CD109: variants seen among roughly 807,000 people sequenced by gnomAD.
The protein encoded by CD109 is CD109 antigen.
In CD109, 149 loss-of-function variants were observed where a neutral mutation model predicts 165.8. The observed-to-expected ratio is 0.90, with a 90% CI of 0.79 to 1.03. The LOEUF (loss-of-function observed/expected upper bound fraction) is 1.03, where lower values mean the gene tolerates loss of function less well. CD109 is among the 50% of genes least tolerant of loss of function. The probability of loss-of-function intolerance (pLI) is 0.00; values close to 1 mark genes in which losing one functional copy is unlikely to be tolerated. For synonymous variants in CD109, 585 were observed against 592.1 expected, an observed-to-expected ratio of 0.99 and a Z score of 0.18; for missense variants, 1,712 against 1,677.8, an observed-to-expected ratio of 1.02 and a Z score of -0.36.
the CD109 span, among the ~76,000 whole-genome samples, chr6:73,679,212 G>T: frequency 6.6e-6 from 1 of 152,144 alleles, no homozygotes; most frequent in African/African-American, 2.4e-5. Context: ...TGAAAATGTG[G>T]CAAGTGTGTG....
At chr6:73,702,999 T>C (rs1771136573) in intron 2 of CD109, among the ~76,000 whole-genome samples, 1 of 152,226 alleles carries the variant, frequency 6.6e-6, no homozygotes, top group African/African-American at 2.4e-5. Context: ...AGTTTCCTCA[T>C]AGTGCCAAGG....
intron 29 of CD109, among the ~76,000 whole-genome samples, chr6:73,812,800 AATAAG>A (rs1775799152): frequency 1.3e-5 from 2 of 152,094 alleles, no homozygotes; most frequent in South Asian, 4.2e-4. Flanking sequence ...AAAAATACTG[AATAAG>A]ATAATCATCA....
At chr6:73,802,725 A>G (rs990923429) in intron 23 of CD109, among the ~76,000 whole-genome samples, 2 of 80,480 alleles carry the variant, frequency 2.5e-5, no homozygotes, top group Non-Finnish European at 5.1e-5. Context: ...ATGGAATTTT[A>G]TTTGCTCTTG....
intron 23 of CD109, 117 bp downstream of exon 23, chr6:73,792,919 T>C: frequency 1.4e-6 from 1 of 716,992 alleles, no homozygotes; most frequent in Admixed American, 2.9e-5. Context: ...AGTGATGGGC[T>C]ACACGGTGTT....
chr6:73,720,787 A>G (rs1052611453), intron 2 of CD109, among the ~76,000 whole-genome samples: 1 of 152,222 alleles, frequency 6.6e-6, no homozygotes, highest in Non-Finnish European at 1.5e-5. Flanking sequence ...GTCAACTGGG[A>G]TAATCCTGGT....
chr6:73,729,659 G>A lies in CD109; in HGVS notation c.277-685G>A, dbSNP rs191206156. Among the ~76,000 whole-genome samples, 342 of 151,982 alleles carry A rather than the reference G, an allele frequency of 2.3e-3. 1 individual carries two copies. Among genetic ancestry groups the A allele is most frequent in the African/African-American group, 7.3e-3 (304 of 41,476 alleles). ...TCCCGGAGTAGCTGGGACTACAGGC[G>A]CATGCCACCACACCTGGGTGATTTT... On this transcript the variant is annotated intron_variant, in intron 3 of 32. Coordinates refer to ENST00000287097, the MANE Select transcript of CD109 (RefSeq NM_133493.5).
chr6:73,804,577 C>G (rs754822765), intron 24 of CD109, among the ~76,000 whole-genome samples: 9 of 152,186 alleles, frequency 5.9e-5, no homozygotes, highest in Non-Finnish European at 8.8e-5. Context: ...CACACATAAA[C>G]AGGCCCTGGG....
the CD109 span, among the ~76,000 whole-genome samples, chr6:73,686,361 TA>T: frequency 9.2e-5 from 14 of 152,222 alleles, no homozygotes; most frequent in Non-Finnish European, 1.5e-4. Context: ...ATTTGTTTGA[TA>T]GTGTTTTGCA....
In CD109 at chr6:73,808,063, C is replaced by G. The variant is rs755480638; in HGVS notation, c.3190-20C>G. The G allele has an allele frequency of 6.2e-7, 1 of 1,608,096 alleles. No homozygotes were observed. The highest frequency in any genetic ancestry group is 8.5e-7 in the Non-Finnish European group (1 of 1,177,112). On this transcript the variant is annotated intron_variant, in intron 25 of 32. Coordinates refer to ENST00000287097, the MANE Select transcript of CD109 (RefSeq NM_133493.5). The stretch of plus-strand genomic sequence containing the variant: ...ATGGGTTACTCTGAATAGTAAAAAA[C>G]ATACTTTTTTTCTTCCAAGCCTAAC...
chr6:73,751,389 A>G (rs558903312), intron 5 of CD109, among the ~76,000 whole-genome samples: 5 of 152,180 alleles, frequency 3.3e-5, no homozygotes, highest in South Asian at 2.1e-4. Context: ...TCATAACTCC[A>G]TCTTTAGCTG....
chr6:73,780,981 TTTGA>T, intron 16 of CD109, among the ~76,000 whole-genome samples: 1 of 150,550 alleles, frequency 6.6e-6, no homozygotes, highest in Middle Eastern at 3.4e-3. Flanking sequence ...CGTGTGTGTG[TTTGA>T]GAGAGATCGA....
intron 18 of CD109, 63 bp from the exon 19 acceptor site, chr6:73,783,644 G>A (rs1774584272): frequency 1.1e-6 from 1 of 926,038 alleles, no homozygotes. Context: ...GATTATTTTG[G>A]CTTATTTCAA....
Position 73,774,204 on chromosome 6 carries a change from T to C in CD109, c.1827+2623T>C, listed in dbSNP as rs367973394. On this transcript the variant is annotated intron_variant, in intron 15 of 32. Coordinates refer to ENST00000287097, the MANE Select transcript of CD109 (RefSeq NM_133493.5). ...TTTTGTGTCACATGCTATATGTTGTTTAGTTGGATGTCTTACTTCTACAGT... is the reference window on the plus strand; with the variant it reads ...TTTTGTGTCACATGCTATATGTTGTCTAGTTGGATGTCTTACTTCTACAGT... Among the ~76,000 whole-genome samples, 167 of 152,354 alleles carry C rather than the reference T, an allele frequency of 1.1e-3. 1 individual carries two copies. Among genetic ancestry groups the C allele is most frequent in the African/African-American group, 3.9e-3 (161 of 41,584 alleles).
chr6:73,819,294 G>A (rs575070278), intron 31 of CD109, among the ~76,000 whole-genome samples: 6 of 152,214 alleles, frequency 3.9e-5, no homozygotes, highest in South Asian at 2.1e-4. Context: ...CATAACCTTC[G>A]TGTACTCTTT....
chr6:73,806,409 G>GC (rs1364225956), intron 24 of CD109, among the ~76,000 whole-genome samples: 1 of 152,084 alleles, frequency 6.6e-6, no homozygotes, highest in African/African-American at 2.4e-5. Context: ...CATACCTAAT[G>GC]TAAATGACGC....
intron 28 of CD109, 96 bp downstream of exon 28, chr6:73,811,243 TG>T (rs774524705): frequency 7.3e-6 from 10 of 1,373,836 alleles, no homozygotes; most frequent in Non-Finnish European, 9.8e-6. Flanking sequence ...AACAAAGACT[TG>T]TTTCCAGAGC....
the CD109 span, among the ~76,000 whole-genome samples, chr6:73,688,066 T>C: frequency 6.6e-6 from 1 of 152,228 alleles, no homozygotes; most frequent in South Asian, 2.1e-4. Flanking sequence ...GATAGTACTT[T>C]GCTGTTCAAA....
At chr6:73,820,314 G>T (rs1364877200) in intron 31 of CD109, 147 bp from the exon 32 acceptor site, 3 of 541,950 alleles carry the variant, frequency 5.5e-6, no homozygotes, top group South Asian at 2.7e-5. Flanking sequence ...TAGTTCATAG[G>T]AAGTACTTAC....
Position 73,808,164 on chromosome 6 carries a change from C to T in CD109, c.3271C>T (p.Leu1091Phe). 1 of 1,613,524 alleles carries T rather than the reference C, an allele frequency of 6.2e-7. No homozygotes were observed. The highest frequency in any genetic ancestry group is 8.5e-7 in the Non-Finnish European group (1 of 1,179,668). The change falls in exon 26 of 33, where the codon CTT becomes TTT. Residue 1091 changes from leucine to phenylalanine, a missense_variant. Leu to Phe is a conservative substitution (Grantham distance 22, BLOSUM62 0). Transcript: ENST00000287097. ...AATTTCAGACAATTATACTCTAGCC[C>T]TTATAACTTATGCATTGTCATCAGT... is the stretch of plus-strand genomic sequence containing the variant. ...RGISDNYTLA[L>F]ITYALSSVGS... is the part of the protein sequence containing the mutation.
Sources: allele counts gnomAD v4.1 joint callset (sites outside exome capture counted in the v4.1 genomes callset), GRCh38; gene constraint gnomAD v4.1.1; transcripts MANE v1.5; gene names NCBI Gene and HGNC (gene_info 2026-07-23, HGNC 2026-07-21).